The following PDE9A variants were observed in gnomAD, a reference collection of about 807,000 sequenced individuals.
The protein encoded by PDE9A is high affinity cGMP-specific 3',5'-cyclic phosphodiesterase 9A.
A neutral mutation model predicts 87.4 loss-of-function variants in PDE9A; 60 were observed. The observed-to-expected ratio is 0.69, with a 90% CI of 0.56 to 0.85. The LOEUF (loss-of-function observed/expected upper bound fraction) is 0.85, where lower values mean the gene tolerates loss of function less well. Ranked by LOEUF, PDE9A falls within the 40% of genes least tolerant of loss-of-function variation. The pLI, the probability that PDE9A is intolerant of heterozygous loss-of-function variation, is 0.00. For synonymous variants in PDE9A, 272 were observed against 279.4 expected, an observed-to-expected ratio of 0.97 and a Z score of 0.27; for missense variants, 665 against 779.0, an observed-to-expected ratio of 0.85 and a Z score of 1.74.
Position 42,723,798 on chromosome 21 carries a change from A to G in PDE9A, c.263-7972A>G, listed in dbSNP as rs2146613692. On this transcript the variant is annotated intron_variant, in intron 4 of 19. Coordinates refer to ENST00000291539, the MANE Select transcript of PDE9A (RefSeq NM_002606.3). The surrounding 1 kb of genome is among the most constrained non-coding windows in gnomAD (Gnocchi z 4.3). ...GATTTGCTCAAAAACTTCCAGGTCC[A>G]GAGGGACCCTAAAGACCCTGTCATG... 6.6e-6 allele frequency among the ~76,000 whole-genome samples: 1 copy of G among 152,334 alleles called. No individual in the cohort carries two copies. The highest frequency in any genetic ancestry group is 2.1e-4 in the South Asian group (1 of 4,832).
intron 8 of PDE9A, among the ~76,000 whole-genome samples, chr21:42,744,643 G>A (rs747155567): frequency 6.6e-6 from 1 of 152,136 alleles, no homozygotes; most frequent in Non-Finnish European, 1.5e-5. Context: ...TCCTTCACAG[G>A]CGCTTCGGGG....
At position 42,743,847 on chromosome 21, in the gene PDE9A, G is replaced by A. The variant is rs752429601; in HGVS notation, c.640G>A (p.Ala214Thr). Residue 214 changes from alanine to threonine, a missense_variant, in exon 8 of 20, where the codon GCC becomes ACC. Transcript: ENST00000291539. ...DIKKMREELA[A>T]RSSRTNCPCK... ...TAAGAAGATGAGGGAGGAGCTGGCG[G>A]CCAGAAGCAGCAGGTAGGGTCTGCG... 24 of 1,576,518 alleles carry A rather than the reference G, an allele frequency of 1.5e-5. 2 individuals are homozygous for A. The South Asian group carries it at 2.4e-4, about 16-fold the overall frequency.
chr21:42,773,218 C>T (rs1187630319), intron 19 of PDE9A, among the ~76,000 whole-genome samples: 6 of 142,674 alleles, frequency 4.2e-5, no homozygotes, highest in African/African-American at 1.1e-4. Flanking sequence ...GCCCACATTG[C>T]GCCACTGCCC....
At chr21:42,770,571 G>C (rs777636929) in intron 17 of PDE9A, 132 bp from the exon 18 acceptor site, 8 of 656,894 alleles carry the variant, frequency 1.2e-5, no homozygotes, top group South Asian at 1.0e-4. Context: ...CAGCAGAGCC[G>C]GCACGAGGGT....
At position 42,694,776 on chromosome 21, in the gene PDE9A, A is replaced by G. The variant is rs538567486; in HGVS notation, c.219-4192A>G. 1.3e-4 allele frequency among the ~76,000 whole-genome samples: 20 copies of G among 152,134 alleles called. No individual in the cohort carries two copies. The highest frequency in any genetic ancestry group is 6.2e-4 in the South Asian group (3 of 4,812). ...AAAAATAGGCTCCAAACACACTTTC[A>G]TCCCATCACTCCCAGCATGGAGTTC... On this transcript the variant is annotated intron_variant, in intron 3 of 19. Coordinates refer to ENST00000291539, the MANE Select transcript of PDE9A (RefSeq NM_002606.3). The surrounding 1 kb of genome is among the most constrained non-coding windows in gnomAD (Gnocchi z 5.3).
intron 13 of PDE9A, among the ~76,000 whole-genome samples, chr21:42,761,412 G>T (rs1037639176): frequency 6.6e-6 from 1 of 152,242 alleles, no homozygotes; most frequent in Non-Finnish European, 1.5e-5. Flanking sequence ...TGGGGCCAGG[G>T]ATCAGAAGGA....
intron 3 of PDE9A, among the ~76,000 whole-genome samples, chr21:42,697,726 G>A (rs2060220078): frequency 1.3e-5 from 2 of 152,170 alleles, no homozygotes; most frequent in South Asian, 4.1e-4. Context: ...GGTGTCTTTG[G>A]CCCTTGTAAG....
intron 6 of PDE9A, 118 bp from the exon 7 acceptor site, chr21:42,733,238 C>T (rs1569216903): frequency 1.5e-6 from 1 of 663,896 alleles, no homozygotes. Flanking sequence ...CCTCACCAGC[C>T]CACCTAGAGG....
intron 4 of PDE9A, among the ~76,000 whole-genome samples, chr21:42,709,102 C>A (rs1323527165): frequency 6.6e-6 from 1 of 152,154 alleles, no homozygotes; most frequent in African/African-American, 2.4e-5. Context: ...TACATATACA[C>A]CATGGAATAC....
chr21:42,717,416 A>AAG (rs2050044908), intron 4 of PDE9A, among the ~76,000 whole-genome samples: 2 of 144,914 alleles, frequency 1.4e-5, no homozygotes, highest in South Asian at 4.5e-4. Context: ...TCAGCCTCCC[A>AAG]AGTACCTGGG....
rs371328623 is a variant in PDE9A at position 42,660,872 on chromosome 21, T to TC, written c.69+6995dup. On this transcript the variant is annotated intron_variant, in intron 1 of 19. Coordinates refer to ENST00000291539, the MANE Select transcript of PDE9A (RefSeq NM_002606.3). The surrounding 1 kb of genome is among the most constrained non-coding windows in gnomAD (Gnocchi z 4.7). Reference sequence around the variant, plus strand: ...TTGAACCCATCCCTGACTGCCTGTCTCCCCCCTCACCCTGACCACATCTCC... The same window carrying TC: ...TTGAACCCATCCCTGACTGCCTGTCTCCCCCCCTCACCCTGACCACATCTCC... Among the ~76,000 whole-genome samples, 213 of 151,738 alleles carry TC rather than the reference T, an allele frequency of 1.4e-3. No individual in the cohort carries two copies. Among genetic ancestry groups the TC allele is most frequent in the African/African-American group, 4.5e-3 (186 of 41,356 alleles).
At chr21:42,744,649 C>T (rs535994153) in intron 8 of PDE9A, among the ~76,000 whole-genome samples, 16 of 152,188 alleles carry the variant, frequency 1.1e-4, no homozygotes, top group African/African-American at 3.6e-4. Context: ...ACAGGCGCTT[C>T]GGGGGGCCCA....
intron 1 of PDE9A, among the ~76,000 whole-genome samples, chr21:42,680,982 G>C (rs943390857): frequency 2.6e-5 from 4 of 152,262 alleles, no homozygotes; most frequent in African/African-American, 9.6e-5. Context: ...CTAGAGACTT[G>C]TGTGAAAATC....
intron 8 of PDE9A, among the ~76,000 whole-genome samples, chr21:42,750,351 T>C (rs1483312779): frequency 1.3e-5 from 2 of 152,152 alleles, no homozygotes; most frequent in Admixed American, 1.3e-4. Context: ...CCCATGTGTG[T>C]CCACACTTCA....
At position 42,675,081 on chromosome 21, in the gene PDE9A, TCA is replaced by T. The variant is rs1244278907; in HGVS notation, c.70-11106_70-11105del. Among the ~76,000 whole-genome samples, 1 of 152,248 alleles carries T rather than the reference TCA, an allele frequency of 6.6e-6. No homozygotes were observed. The highest frequency in any genetic ancestry group is 1.5e-5 in the Non-Finnish European group (1 of 68,040). ...CGAAGTGCCACAGTTGCTGGCGTTC[TCA>T]CACAGGTGTGCGTTTAGGAGTGTGT... is the stretch of plus-strand genomic sequence containing the variant. On this transcript the variant is annotated intron_variant, in intron 1 of 19. Coordinates refer to ENST00000291539, the MANE Select transcript of PDE9A (RefSeq NM_002606.3). This position sits in a 1 kb window ranked among gnomAD's most constrained non-coding sequence, Gnocchi z 4.3.
chr21:42,686,599 G>A (rs2059489134), intron 2 of PDE9A, among the ~76,000 whole-genome samples: 1 of 152,180 alleles, frequency 6.6e-6, no homozygotes, highest in African/African-American at 2.4e-5. Flanking sequence ...CAGATCACCT[G>A]AGGTCAGGAG....
intron 4 of PDE9A, among the ~76,000 whole-genome samples, chr21:42,713,015 C>T (rs1008214567): frequency 3.3e-5 from 5 of 152,148 alleles, no homozygotes; most frequent in Admixed American, 3.3e-4. Flanking sequence ...AGGAAATTTC[C>T]TGGGGTAAAC....
rs1555920613 is a variant in PDE9A, at chr21:42,717,556, A to ATT, written c.263-14208_263-14207dup. The stretch of plus-strand genomic sequence containing the variant: ...GAGACTCCATCTCAAAAAAAAAAAA[A>ATT]TTTTTTTGTATTTTTAGTAGAGACG... On this transcript the variant is annotated intron_variant, in intron 4 of 19. Coordinates refer to ENST00000291539, the MANE Select transcript of PDE9A (RefSeq NM_002606.3). Among the ~76,000 whole-genome samples the ATT allele has an allele frequency of 2.5e-4, 37 of 149,366 alleles. 1 individual carries two copies. The highest frequency in any genetic ancestry group is 8.7e-4 in the South Asian group (4 of 4,590).
intron 7 of PDE9A, among the ~76,000 whole-genome samples, chr21:42,742,944 C>T (rs886476978): frequency 2.6e-5 from 4 of 152,216 alleles, no homozygotes; most frequent in Non-Finnish European, 5.9e-5. Context: ...AGCTGCGTGA[C>T]TCTTAAACTG....
Sources: allele counts gnomAD v4.1 joint callset (sites outside exome capture counted in the v4.1 genomes callset), GRCh38; gene constraint gnomAD v4.1.1; non-coding constraint Gnocchi (gnomAD v3.1); transcripts MANE v1.5; gene names NCBI Gene and HGNC (gene_info 2026-07-23, HGNC 2026-07-21).